Variants in STMN1 observed in about 807,000 individuals in gnomAD.
STMN1 encodes stathmin 1, also known as stathmin.
STMN1 carries 3 observed loss-of-function variants against 19.7 expected under a neutral mutation model. The ratio of observed to expected loss-of-function variants is 0.15; its 90% confidence interval spans 0.07 to 0.39. The LOEUF is 0.39. Ranked by LOEUF, STMN1 falls within the 10% of genes least tolerant of loss-of-function variation. The pLI, the probability that STMN1 is intolerant of heterozygous loss-of-function variation, is 1.00. For synonymous variants in STMN1, 59 were observed against 58.9 expected (o/e 1.00, Z -0.01); for missense variants, 99 against 176.0 (o/e 0.56, Z 2.48).
At chr1:25,895,099 C>CTTTTT (rs34587140) in intron 4 of STMN1, among the ~76,000 whole-genome samples, 66 of 113,386 alleles carry the variant, frequency 5.8e-4, no homozygotes, top group African/African-American at 2.0e-3. Context: ...TATTATACGT[C>CTTTTT]TTTTTTTTTT....
At chr1:25,903,607 T>C (rs747423660) in intron 3 of STMN1, 34 bp downstream of exon 3, 2 of 1,607,472 alleles carry the variant, frequency 1.2e-6, no homozygotes, top group Non-Finnish European at 1.7e-6. Flanking sequence ...TTACATAAAT[T>C]AATATCCTGC....
In STMN1 at chr1:25,900,595, T is replaced by G; in HGVS notation, c.*421A>C. 1 of 989,286 alleles carries G rather than the reference T, an allele frequency of 1.0e-6. No homozygotes were observed. The highest frequency in any genetic ancestry group is 1.2e-6 in the Non-Finnish European group (1 of 832,324). 61.3% of individuals were successfully genotyped at this position (989,286 alleles called of 1,614,324 possible). A position where few individuals can be genotyped will look rare whatever the true frequency, so the allele number is the denominator to read the frequency against. On this transcript the variant is annotated 3_prime_UTR_variant, in exon 5 of 5. Coordinates refer to ENST00000455785, the MANE Select transcript of STMN1 (RefSeq NM_005563.4). ...CAGCACTGTGCAGTTTTATTAACCA[T>G]TCAAGTCCAGTAGCATCTGGTAAGA...
At chr1:25,891,249 T>C (rs1422664754) in intron 4 of STMN1, among the ~76,000 whole-genome samples, 1 of 151,716 alleles carries the variant, frequency 6.6e-6, no homozygotes, top group African/African-American at 2.4e-5. Flanking sequence ...GATAATTGCT[T>C]GAACCCAGGA....
At chr1:25,902,419 T>C (rs561659119) in intron 3 of STMN1, 27 of 152,340 alleles carry the variant, frequency 1.8e-4, no homozygotes, top group South Asian at 1.7e-3. Flanking sequence ...ACTAAGTCTG[T>C]AGATTACTAT....
intron 2 of STMN1, 132 bp from the exon 3 acceptor site, chr1:25,903,945 T>TC: frequency 1.0e-6 from 1 of 959,226 alleles, no homozygotes; most frequent in Non-Finnish European, 1.5e-6. Context: ...GTGTTTTTTT[T>TC]CCCCTTTTTA....
chr1:25,894,352 CT>C (rs2048800883), intron 4 of STMN1, among the ~76,000 whole-genome samples: 1 of 151,998 alleles, frequency 6.6e-6, no homozygotes, highest in Non-Finnish European at 1.5e-5. Flanking sequence ...TGAGGGGTCT[CT>C]GCCTAGGTGA....
Position 25,904,612 on chromosome 1 carries a change from T to A in STMN1, c.13+52A>T, listed in dbSNP as rs148663424. 4 of 1,557,896 alleles carry A rather than the reference T, an allele frequency of 2.6e-6. No homozygotes were observed. The African/African-American group carries it at 5.4e-5, about 21-fold the overall frequency. On this transcript the variant is annotated intron_variant, in intron 2 of 4. Transcript: ENST00000455785. ...AAGGCGAAGACCTGAGCCATCTCAA[T>A]CTAAAATCATAAGCCCATTACAATT...
chr1:25,897,869 C>A (rs984186056), downstream of STMN1, among the ~76,000 whole-genome samples: 3 of 152,208 alleles, frequency 2.0e-5, no homozygotes, highest in African/African-American at 7.2e-5. Context: ...CTGCCATTTT[C>A]CCAAGTGGAG....
intron 2 of STMN1, 47 bp from the exon 3 acceptor site, chr1:25,903,860 T>C (rs1361465543): frequency 2.6e-6 from 4 of 1,543,692 alleles, no homozygotes; most frequent in Non-Finnish European, 2.6e-6. Flanking sequence ...ATTCTCCTGT[T>C]CTAATAAACT....
intron 2 of STMN1, among the ~76,000 whole-genome samples, chr1:25,904,223 G>C (rs1408557680): frequency 2.0e-5 from 3 of 152,080 alleles, no homozygotes; most frequent in Non-Finnish European, 4.4e-5. Flanking sequence ...AGGCTGAGGT[G>C]GGAGAATCGC....
At chr1:25,893,594 G>T (rs1244147175) in intron 4 of STMN1, among the ~76,000 whole-genome samples, 1 of 152,204 alleles carries the variant, frequency 6.6e-6, no homozygotes, top group African/African-American at 2.4e-5. Flanking sequence ...AGGCTGGACT[G>T]CGATGGTGTG....
Position 25,900,319 on chromosome 1 carries a change from T to C in STMN1, c.*697A>G, listed in dbSNP as rs990888763. ...TTTAAAAGGGACACAGAACAAAAAA[T>C]GGTTGTTTGCAAATAAACATCTGAA... is the stretch of plus-strand genomic sequence containing the variant. On this transcript the variant is annotated 3_prime_UTR_variant, in exon 5 of 5. Transcript: ENST00000455785. 1 of 985,728 alleles carries C rather than the reference T, an allele frequency of 1.0e-6. No individual in the cohort carries two copies. The highest frequency in any genetic ancestry group is 1.7e-5 in the African/African-American group (1 of 57,230). 61.1% of individuals were successfully genotyped at this position (985,728 alleles called of 1,614,324 possible).
chr1:25,898,237 G>A (rs2048837173), downstream of STMN1, among the ~76,000 whole-genome samples: 1 of 152,208 alleles, frequency 6.6e-6, no homozygotes, highest in South Asian at 2.1e-4. Context: ...GGCAATCACA[G>A]GCTTACTAAG....
downstream of STMN1, among the ~76,000 whole-genome samples, chr1:25,898,666 C>T (rs2048841558): frequency 6.6e-6 from 1 of 152,232 alleles, no homozygotes; most frequent in Non-Finnish European, 1.5e-5. Context: ...GCCTCATTTT[C>T]CATTCAAGAC....
intron 1 of STMN1, 165 bp from the exon 2 acceptor site, chr1:25,904,903 AT>A: frequency 2.2e-6 from 1 of 457,164 alleles, no homozygotes; most frequent in South Asian, 4.3e-5. Flanking sequence ...CTAAATAAAC[AT>A]TGGGAAATAT....
At chr1:25,894,765 T>C (rs1250773156) in intron 4 of STMN1, among the ~76,000 whole-genome samples, 2 of 152,196 alleles carry the variant, frequency 1.3e-5, no homozygotes, top group Non-Finnish European at 2.9e-5. Context: ...AATCTTGCTA[T>C]GTCTCTAAAT....
At chr1:25,892,900 A>G (rs1490526532) in intron 4 of STMN1, among the ~76,000 whole-genome samples, 2 of 152,180 alleles carry the variant, frequency 1.3e-5, no homozygotes, top group African/African-American at 4.8e-5. Flanking sequence ...GAGCCTCCAA[A>G]CCATCAAGGC....
chr1:25,899,561 T>G (rs2048849581), downstream of STMN1, among the ~76,000 whole-genome samples: 1 of 152,314 alleles, frequency 6.6e-6, no homozygotes, highest in Non-Finnish European at 1.5e-5. Flanking sequence ...AATTTAAAAG[T>G]CAATTTAAGG....
Position 25,906,243 on chromosome 1 carries a change from C to T in STMN1, c.-63+146G>A, listed in dbSNP as rs1001204320. 5.9e-5 allele frequency: 9 copies of T among 151,912 alleles called. No homozygotes were observed. The highest frequency in any genetic ancestry group is 1.9e-4 in the African/African-American group (8 of 41,264). 9.4% of individuals were successfully genotyped at this position (151,912 alleles called of 1,614,324 possible). A position where few individuals can be genotyped will look rare whatever the true frequency, so the allele number is the denominator to read the frequency against. ...CCGAGCCACACACAAAGCGGAGCGA[C>T]CCCCGCCCACCAACCCCTCCGAGGC... is the stretch of plus-strand genomic sequence containing the variant. On this transcript the variant is annotated intron_variant, in intron 1 of 4. Transcript: ENST00000455785. This position sits in a 1 kb window ranked among gnomAD's most constrained non-coding sequence, Gnocchi z 4.5.
Sources: gnomAD v4.1 joint callset for allele counts (sites outside exome capture counted in the v4.1 genomes callset) on GRCh38, gnomAD v4.1.1 for gene constraint, Gnocchi (gnomAD v3.1) non-coding constraint, MANE v1.5 for transcripts, NCBI Gene and HGNC (gene_info 2026-07-23, HGNC 2026-07-21) for gene names.